Variants in ZNF600 observed in about 807,000 individuals in gnomAD.
The protein encoded by ZNF600 is zinc finger protein 600.
In ZNF600, 4 loss-of-function variants were observed where a neutral mutation model predicts 7.3. The observed-to-expected ratio is 0.55, with a 90% CI of 0.27 to 1.25. The LOEUF (loss-of-function observed/expected upper bound fraction) is 1.25, where lower values mean the gene tolerates loss of function less well. Ranked by LOEUF, ZNF600 falls within the 50% of genes most tolerant of loss-of-function variation. The pLI is 0.12. For synonymous variants in ZNF600, 290 were observed against 308.9 expected (o/e 0.94, Z 0.64); for missense variants, 911 against 922.1 (o/e 0.99, Z 0.16).
chr19:52,783,939 TG>T (rs1348502934), intron 1 of ZNF600, among the ~76,000 whole-genome samples: 5 of 152,126 alleles, frequency 3.3e-5, no homozygotes, highest in Non-Finnish European at 7.4e-5. Context: ...CAGGGCGTGG[TG>T]GCGCATGCCA....
the ZNF600 span, chr19:52,800,886 ATTATC>A: frequency 5.6e-3 from 8,958 of 1,613,880 alleles, 43 homozygotes; most frequent in Admixed American, 7.1e-3. Context: ...TCCAGTATAA[ATTATC>A]TTATGTGTTT....
At chr19:52,826,234 C>T in the ZNF600 span, among the ~76,000 whole-genome samples, 1 of 152,026 alleles carries the variant, frequency 6.6e-6, no homozygotes, top group Admixed American at 6.6e-5. Flanking sequence ...TCCTCTACCA[C>T]TGATGTTACC....
intron 1 of ZNF600, among the ~76,000 whole-genome samples, chr19:52,784,989 A>G (rs563942401): frequency 1.0e-3 from 157 of 152,118 alleles, no homozygotes; most frequent in African/African-American, 3.7e-3. Flanking sequence ...CCTTTGCCTC[A>G]GTCTCCTAAA....
chr19:52,765,490 C>T, exon 4 of ZNF600: 1 of 1,583,504 alleles, frequency 6.3e-7, no homozygotes, highest in East Asian at 2.2e-5. Context: ...AAAAATTTGC[C>T]ACATTTATTA....
At chr19:52,806,934 G>C in the ZNF600 span, among the ~76,000 whole-genome samples, 1 of 152,028 alleles carries the variant, frequency 6.6e-6, no homozygotes. Context: ...TAGAAAGAAA[G>C]AGCAGAGAGA....
intron 1 of ZNF600, among the ~76,000 whole-genome samples, chr19:52,782,297 G>T (rs2062728962): frequency 6.6e-6 from 1 of 152,074 alleles, no homozygotes; most frequent in African/African-American, 2.4e-5. Flanking sequence ...GCTGAGGCGG[G>T]AGGATCACCT....
chr19:52,799,722 T>C, the ZNF600 span: 3 of 1,609,920 alleles, frequency 1.9e-6, no homozygotes, highest in Non-Finnish European at 2.5e-6. Context: ...TCTATGATGG[T>C]ATACAAGGTT....
the ZNF600 span, among the ~76,000 whole-genome samples, chr19:52,817,702 C>T: frequency 2.0e-5 from 3 of 152,150 alleles, no homozygotes; most frequent in Admixed American, 2.0e-4. Context: ...ACCCCGTCTC[C>T]ATCCATGTCT....
chr19:52,819,616 C>G, the ZNF600 span, among the ~76,000 whole-genome samples: 1 of 117,106 alleles, frequency 8.5e-6, no homozygotes, highest in Non-Finnish European at 1.8e-5. Flanking sequence ...AACATTTTCA[C>G]GAAGTTACCC....
chr19:52,770,001 T>C (rs558438112), intron 3 of ZNF600, among the ~76,000 whole-genome samples: 51 of 152,296 alleles, frequency 3.3e-4, no homozygotes, highest in Admixed American at 6.5e-4. Flanking sequence ...TTATACAGCC[T>C]GCAGAATTCT....
At chr19:52,811,827 C>T in the ZNF600 span, among the ~76,000 whole-genome samples, 6 of 147,746 alleles carry the variant, frequency 4.1e-5, no homozygotes, top group East Asian at 1.2e-3. Flanking sequence ...TCTGCCCGGC[C>T]GCCCCTACTG....
intron 1 of ZNF600, among the ~76,000 whole-genome samples, chr19:52,779,804 G>C (rs1239685209): frequency 6.6e-6 from 1 of 152,104 alleles, no homozygotes; most frequent in East Asian, 1.9e-4. Flanking sequence ...AGCACTGTGG[G>C]ATTACACAGG....
At chr19:52,815,624 A>G in the ZNF600 span, among the ~76,000 whole-genome samples, 1 of 146,632 alleles carries the variant, frequency 6.8e-6, no homozygotes, top group Admixed American at 6.8e-5. Context: ...GGAGATCGAG[A>G]CCATCCTGGC....
intron 2 of ZNF600, 145 bp from the exon 5 acceptor site, chr19:52,774,846 A>G: frequency 5.1e-6 from 5 of 973,056 alleles, no homozygotes; most frequent in Non-Finnish European, 6.1e-6. Context: ...TTTTCCCTAT[A>G]GTTGCATTTT....
the ZNF600 span, among the ~76,000 whole-genome samples, chr19:52,817,312 C>G: frequency 6.6e-6 from 1 of 151,868 alleles, no homozygotes; most frequent in Non-Finnish European, 1.5e-5. Context: ...GCGGAGGTTG[C>G]GGTGAGCTGA....
At chr19:52,779,159 G>C (rs2062700550) in intron 1 of ZNF600, among the ~76,000 whole-genome samples, 1 of 152,180 alleles carries the variant, frequency 6.6e-6, no homozygotes, top group Non-Finnish European at 1.5e-5. Flanking sequence ...GGGCTGGACT[G>C]ATCTCCCCTT....
At chr19:52,764,414 G>A (rs2062552451), downstream of ZNF600, 1 of 151,564 alleles carries the variant, frequency 6.6e-6, no homozygotes, top group South Asian at 2.1e-4. Flanking sequence ...GTTTCACCAT[G>A]TTAGCCAGGG....
the ZNF600 span, among the ~76,000 whole-genome samples, chr19:52,831,270 A>G: frequency 6.6e-6 from 1 of 152,136 alleles, no homozygotes; most frequent in Admixed American, 6.5e-5. Flanking sequence ...GCAGTGGCTC[A>G]TGCCTGTAAT....
upstream of ZNF600, among the ~76,000 whole-genome samples, chr19:52,791,381 G>A (rs1568639689): frequency 1.3e-5 from 2 of 152,240 alleles, no homozygotes; most frequent in South Asian, 4.1e-4. Context: ...GCATGGGTGA[G>A]TGCAAGTGAA....
Sources: gnomAD v4.1 joint callset for allele counts (sites outside exome capture counted in the v4.1 genomes callset) on GRCh38, gnomAD v4.1.1 for gene constraint, MANE v1.5 for transcripts, NCBI Gene and HGNC (gene_info 2026-07-23, HGNC 2026-07-21) for gene names.